Variants in GABRA6 observed in about 807,000 individuals in gnomAD.
The protein encoded by GABRA6 is gamma-aminobutyric acid receptor subunit alpha-6.
Under a neutral mutation model 47.3 loss-of-function variants are expected in GABRA6, and 45 were observed. That is an observed-to-expected ratio of 0.95 (90% CI 0.75 to 1.22). GABRA6 has a LOEUF of 1.22. GABRA6 is among the 50% of genes most tolerant of loss of function. GABRA6 has a pLI of 0.00. For missense variants in GABRA6, 583 were observed against 549.3 expected, an observed-to-expected ratio of 1.06 and a Z score of -0.61; for synonymous variants, 219 against 194.7, an observed-to-expected ratio of 1.12 and a Z score of -1.04.
At chr5:161,689,535 CTA>C (rs1754757308) in intron 5 of GABRA6, 99 bp from the exon 6 acceptor site, 3 of 1,171,082 alleles carry the variant, frequency 2.6e-6, no homozygotes, top group Admixed American at 2.0e-5. Context: ...TAAATACAAT[CTA>C]TGTTTGTATT....
At position 161,701,851 on chromosome 5, in the gene GABRA6, C is replaced by A; in HGVS notation, c.*78C>A. 1 of 1,445,772 alleles carries A rather than the reference C, an allele frequency of 6.9e-7. No homozygotes were observed. The highest frequency in any genetic ancestry group is 9.7e-7 in the Non-Finnish European group (1 of 1,030,856). The allele number at this position is 1,445,772 out of a possible 1,614,324, so 89.6% of individuals were successfully genotyped here. A position where few individuals can be genotyped will look rare whatever the true frequency, so the allele number is the denominator to read the frequency against. On this transcript the variant is annotated 3_prime_UTR_variant, in exon 9 of 9. Coordinates refer to ENST00000274545, the MANE Select transcript of GABRA6 (RefSeq NM_000811.3). ...GTTTTCTTAAAAAATAGCATTGAGA[C>A]TTGTGTAGATGCTTCTCAGAACATG...
intron 5 of GABRA6, 51 bp downstream of exon 5, chr5:161,689,387 A>C (rs767561415): frequency 1.4e-6 from 2 of 1,465,460 alleles, no homozygotes; most frequent in Non-Finnish European, 1.9e-6. Flanking sequence ...AAAATATATA[A>C]TTACTTGGTT....
At position 161,689,700 on chromosome 5, in the gene GABRA6, C is replaced by A. The variant is rs143830239; in HGVS notation, c.594C>A (p.Val198=). The A allele has an allele frequency of 1.1e-3, 1,712 of 1,611,066 alleles. 14 individuals are homozygous for A. The African/African-American group carries it at 0.017, about 16-fold the overall frequency. Residue 198 remains valine, a synonymous_variant, in exon 6 of 9, where the codon GTC becomes GTA. Coordinates refer to ENST00000274545, the MANE Select transcript of GABRA6 (RefSeq NM_000811.3). ...AAGGACCACTTTACTCAGTAGAAGT[C>A]CCAGAAGAATCTTCAAGCCTTCTCC... ...WKKGPLYSVE[V]PEESSSLLQY...
chr5:161,695,188 A>C (rs1206734256), intron 8 of GABRA6, among the ~76,000 whole-genome samples: 2 of 152,132 alleles, frequency 1.3e-5, no homozygotes, highest in South Asian at 4.1e-4. Flanking sequence ...GTAAAAATTT[A>C]TTCATTTTAT....
intron 5 of GABRA6, 90 bp from the exon 6 acceptor site, chr5:161,689,546 T>C (rs1754757523): frequency 3.2e-6 from 4 of 1,243,440 alleles, no homozygotes; most frequent in East Asian, 5.0e-5. Context: ...TATGTTTGTA[T>C]TTCCTTTTTT....
In GABRA6 at chr5:161,688,953, A is replaced by T; in HGVS notation, c.230A>T (p.Tyr77Phe). 1 of 1,612,636 alleles carries T rather than the reference A, an allele frequency of 6.2e-7. No individual in the cohort carries two copies. The highest frequency in any genetic ancestry group is 8.5e-7 in the Non-Finnish European group (1 of 1,178,850). Reference protein sequence around the residue: ...FGPVSDVEMEYTMDVFFRQTW... With the variant: ...FGPVSDVEMEFTMDVFFRQTW... The stretch of plus-strand genomic sequence containing the variant: ...AAATATTTTATTTTCTCTTAGGAGT[A>T]TACGATGGATGTTTTTTTCCGCCAG... Residue 77 changes from tyrosine to phenylalanine, a missense_variant, in exon 4 of 9, where the codon TAT (tyrosine) becomes TTT (phenylalanine). Coordinates refer to ENST00000274545, the MANE Select transcript of GABRA6 (RefSeq NM_000811.3).
intron 8 of GABRA6, among the ~76,000 whole-genome samples, chr5:161,696,351 ATTTTTTT>A (rs5872722): frequency 7.1e-6 from 1 of 140,342 alleles, no homozygotes; most frequent in Non-Finnish European, 1.5e-5. Context: ...TATTGCACAG[ATTTTTTT>A]TTTTTTTTTT....
chr5:161,698,343 A>T (rs1277337059), intron 8 of GABRA6, among the ~76,000 whole-genome samples: 1 of 152,166 alleles, frequency 6.6e-6, no homozygotes, highest in Non-Finnish European at 1.5e-5. Context: ...GAAATCAGTG[A>T]TGGTAGGTGT....
At position 161,691,944 on chromosome 5, in the gene GABRA6, T is replaced by A. The variant is rs1187554705; in HGVS notation, c.830T>A (p.Ile277Asn). Residue 277 changes from isoleucine (I) to asparagine (N), a missense_variant, in exon 8 of 9, where the codon ATC (isoleucine) becomes AAC (asparagine). Transcript: ENST00000274545. The part of the protein sequence containing the change: ...ESVPARTVFG[I>N]TTVLTMTTLS... The stretch of plus-strand genomic sequence containing the variant: ...TTCCTATTCTTTTTTATTTTAGGGA[T>A]CACCACTGTTTTAACTATGACCACT... 6.2e-7 allele frequency: 1 copy of A among 1,613,458 alleles called. No homozygotes were observed.
chr5:161,693,123 C>T (rs994383110), intron 8 of GABRA6, among the ~76,000 whole-genome samples: 1 of 152,154 alleles, frequency 6.6e-6, no homozygotes, highest in African/African-American at 2.4e-5. Context: ...TTCTAGTAAG[C>T]ATTTCCATAT....
At chr5:161,693,147 G>A (rs531808656) in intron 8 of GABRA6, among the ~76,000 whole-genome samples, 1 of 152,166 alleles carries the variant, frequency 6.6e-6, no homozygotes, top group East Asian at 1.9e-4. Context: ...AAAACTACAC[G>A]CAGCCCAGTA....
chr5:161,689,933 A>C, intron 6 of GABRA6, 154 bp downstream of exon 6: 1 of 807,318 alleles, frequency 1.2e-6, no homozygotes, highest in Non-Finnish European at 2.0e-6. Flanking sequence ...TGATTTTGCA[A>C]CCAGGTGCAT....
At position 161,685,781 on chromosome 5, in the gene GABRA6, C is replaced by A. The variant is rs1009280240; in HGVS notation, c.-209C>A. On this transcript the variant is annotated 5_prime_UTR_variant, in exon 1 of 9. Coordinates refer to ENST00000274545, the MANE Select transcript of GABRA6 (RefSeq NM_000811.3). ...TAAGACCACAAACCACCTTGTTCCA[C>A]GTGAGAAGGAAACAAGAAAGAAGGG... 1 of 618,328 alleles carries A rather than the reference C, an allele frequency of 1.6e-6. No homozygotes were observed. Among genetic ancestry groups the A allele is most frequent in the Admixed American group, 2.7e-5 (1 of 37,480 alleles). 38.3% of individuals were successfully genotyped at this position (618,328 alleles called of 1,614,324 possible).
chr5:161,699,158 T>C (rs1754934974), intron 8 of GABRA6, among the ~76,000 whole-genome samples: 1 of 152,214 alleles, frequency 6.6e-6, no homozygotes, highest in African/African-American at 2.4e-5. Context: ...TCCCTCTTTC[T>C]ACCTAAAATA....
At chr5:161,691,000 T>C (rs538735815) in intron 7 of GABRA6, among the ~76,000 whole-genome samples, 222 of 152,184 alleles carry the variant, frequency 1.5e-3, no homozygotes, top group Non-Finnish European at 2.8e-3. Context: ...ATAGATTTTT[T>C]GAAAATTACA....
chr5:161,687,742 A>G (rs1202321133), intron 3 of GABRA6: 1 of 173,324 alleles, frequency 5.8e-6, no homozygotes, highest in African/African-American at 2.4e-5. Context: ...AATTCTAAAG[A>G]AACAGTTATT....
intron 8 of GABRA6, among the ~76,000 whole-genome samples, chr5:161,698,584 A>G (rs1754922415): frequency 6.6e-6 from 1 of 152,104 alleles, no homozygotes; most frequent in Non-Finnish European, 1.5e-5. Context: ...ATATCTTTAA[A>G]TCATGCCTTT....
At position 161,689,163 on chromosome 5, in the gene GABRA6, C is replaced by A. The variant is rs1303871918; in HGVS notation, c.440C>A (p.Thr147Asn). Residue 147 changes from threonine (T) to asparagine (N), a missense_variant, in exon 4 of 9, where the codon ACC becomes AAC. By Grantham distance (65) the Thr-to-Asn change is moderately conservative. Transcript: ENST00000274545. ...RIMQNGTILY[T>N]MRLTINADCP... Reference sequence around the variant, plus strand: ...ATGCAGAATGGAACCATTTTATACACCATGAGGTGAGGTTTCTCCAATTCT... The same window carrying A: ...ATGCAGAATGGAACCATTTTATACAACATGAGGTGAGGTTTCTCCAATTCT... 6.2e-7 allele frequency: 1 copy of A among 1,613,230 alleles called. No homozygotes were observed. The highest frequency in any genetic ancestry group is 1.1e-5 in the South Asian group (1 of 91,064).
Position 161,692,054 on chromosome 5 carries a change from G to A in GABRA6, c.940G>A (p.Val314Ile). Residue 314 changes from valine (V) to isoleucine (I), a missense_variant, in exon 8 of 9, where the codon GTC becomes ATC. Val to Ile is a conservative substitution (Grantham distance 29). Transcript: ENST00000274545. ...GTTCATAGCTGTTTGCTTTGCATTC[G>A]TCTTCTCTGCGCTTATCGAGTTCGC... ...DWFIAVCFAFVFSALIEFAAV... is the reference protein window; with the variant it reads ...DWFIAVCFAFIFSALIEFAAV... 3 of 1,614,092 alleles carry A rather than the reference G, an allele frequency of 1.9e-6. No homozygotes were observed. Among genetic ancestry groups the A allele is most frequent in the Non-Finnish European group, 1.7e-6 (2 of 1,180,012 alleles).
Sources: allele counts gnomAD v4.1 joint callset (sites outside exome capture counted in the v4.1 genomes callset), GRCh38; gene constraint gnomAD v4.1.1; transcripts MANE v1.5; gene names NCBI Gene and HGNC (gene_info 2026-07-23, HGNC 2026-07-21).